The following LDB2 variants were observed in gnomAD, a reference collection of about 807,000 sequenced individuals.
LDB2 encodes the protein LIM domain-binding protein 2.
A neutral mutation model predicts 44.3 loss-of-function variants in LDB2; 12 were observed. The ratio of observed to expected loss-of-function variants is 0.27; its 90% CI spans 0.17 to 0.44. LDB2 has a LOEUF of 0.44. Among genes scored for constraint, LDB2 ranks in the 20% least tolerant of loss-of-function variants. The pLI is 1.00. For synonymous variants in LDB2, 164 were observed against 174.8 expected (o/e 0.94, Z 0.49); for missense variants, 344 against 473.5 (o/e 0.73, Z 2.54).
intron 2 of LDB2, among the ~76,000 whole-genome samples, chr4:16,694,181 C>T (rs1277895070): frequency 4.6e-5 from 7 of 152,182 alleles, no homozygotes; most frequent in African/African-American, 7.2e-5. Context: ...GGATTTGGTC[C>T]GCACATTCGG....
rs1249908525 is a variant in LDB2 at position 16,898,533 on chromosome 4, C to G, written c.-48G>C. On this transcript the variant is annotated 5_prime_UTR_variant, in exon 1 of 8. The change abolishes an upstream ATG in the 5' untranslated region. Coordinates refer to ENST00000304523, the MANE Select transcript of LDB2 (RefSeq NM_001290.5). ...AGCTAAACAGAGTATCAGTAACGTC[C>G]ATGCAGAGCACATGGGCTGTGTTCT... is the stretch of plus-strand genomic sequence containing the variant. The G allele has an allele frequency of 6.2e-7, 1 of 1,604,188 alleles. No homozygotes were observed. The highest frequency in any genetic ancestry group is 1.7e-5 in the Admixed American group (1 of 59,606).
intron 5 of LDB2, among the ~76,000 whole-genome samples, chr4:16,542,750 G>C (rs80314709): frequency 6.6e-6 from 1 of 151,254 alleles, no homozygotes; most frequent in African/African-American, 2.4e-5. Flanking sequence ...ATTTACAAAT[G>C]GTTTTTTTAC....
chr4:16,819,528 G>A, intron 1 of LDB2, among the ~76,000 whole-genome samples: 1 of 141,558 alleles, frequency 7.1e-6, no homozygotes, highest in Non-Finnish European at 1.5e-5. Context: ...CATGTATTTT[G>A]TATTCATTTC....
intron 2 of LDB2, among the ~76,000 whole-genome samples, chr4:16,641,619 T>A (rs1438535786): frequency 6.6e-6 from 1 of 152,044 alleles, no homozygotes; most frequent in Admixed American, 6.6e-5. Flanking sequence ...AGATCTCCTG[T>A]GAACTCAGAG....
chr4:16,527,138 TAGAC>T (rs1413470126), intron 5 of LDB2, among the ~76,000 whole-genome samples: 5 of 152,288 alleles, frequency 3.3e-5, no homozygotes, highest in African/African-American at 9.6e-5. Flanking sequence ...CAGAGAAAGT[TAGAC>T]AGCGAGATAT....
intron 1 of LDB2, among the ~76,000 whole-genome samples, chr4:16,764,976 C>T (rs1768874056): frequency 6.6e-6 from 1 of 152,328 alleles, no homozygotes; most frequent in Non-Finnish European, 1.5e-5. Flanking sequence ...ACACGTTAAA[C>T]TAACTTGGAG....
chr4:16,598,127 G>A (rs893403876), intron 2 of LDB2, among the ~76,000 whole-genome samples: 4 of 152,120 alleles, frequency 2.6e-5, no homozygotes, highest in East Asian at 1.9e-4. Context: ...TGGTATTCAC[G>A]CCCTTGTGTA....
intron 1 of LDB2, among the ~76,000 whole-genome samples, chr4:16,763,537 A>G (rs1768468597): frequency 6.6e-6 from 1 of 152,122 alleles, no homozygotes; most frequent in African/African-American, 2.4e-5. Flanking sequence ...AAGGAATAAA[A>G]GTAATAGAGA....
intron 1 of LDB2, among the ~76,000 whole-genome samples, chr4:16,860,368 T>C (rs1035890575): frequency 1.8e-4 from 27 of 151,572 alleles, no homozygotes; most frequent in African/African-American, 6.1e-4. Context: ...CACACACACA[T>C]ACACACACAC....
Position 16,734,703 on chromosome 4 carries a change from CTTTTTTTTTTT to C in LDB2, c.235+24444_235+24454del, listed in dbSNP as rs539507998. ...CTGCTGCTTCCCAACTTCTTGTTTT[CTTTTTTTTTTT>C]TTTTTTTTTTTGAGATGGAGTTTTG... On this transcript the variant is annotated intron_variant, in intron 2 of 7. Coordinates refer to ENST00000304523, the MANE Select transcript of LDB2 (RefSeq NM_001290.5). Among the ~76,000 whole-genome samples the C allele has an allele frequency of 2.7e-3, 350 of 129,368 alleles. 1 individual carries two copies. The highest frequency in any genetic ancestry group is 8.3e-3 in the Admixed American group (106 of 12,776). 84.9% of individuals were successfully genotyped at this position (129,368 alleles called of 152,430 possible).
At chr4:16,793,514 AG>A (rs1339720542) in intron 1 of LDB2, among the ~76,000 whole-genome samples, 1 of 152,196 alleles carries the variant, frequency 6.6e-6, no homozygotes, top group Non-Finnish European at 1.5e-5. Context: ...TTAATCGTGC[AG>A]GTCTTTACCC....
chr4:16,557,347 C>A (rs1253022496), intron 5 of LDB2, among the ~76,000 whole-genome samples: 6 of 152,204 alleles, frequency 3.9e-5, no homozygotes, highest in African/African-American at 1.4e-4. Flanking sequence ...AAAATCGGGT[C>A]ACTCCCACCC....
At chr4:16,627,865 G>A (rs79890744) in intron 2 of LDB2, among the ~76,000 whole-genome samples, 3,944 of 152,316 alleles carry the variant, frequency 0.026, 60 homozygotes, top group East Asian at 0.06. Context: ...ATTCCACTGA[G>A]GGGTGGGATA....
intron 2 of LDB2, among the ~76,000 whole-genome samples, chr4:16,663,714 T>A (rs1484509237): frequency 6.6e-6 from 1 of 152,222 alleles, no homozygotes; most frequent in Admixed American, 6.5e-5. Context: ...ATCTAAGATC[T>A]TTTAGAATGA....
At chr4:16,747,435 A>G (rs190204958) in intron 2 of LDB2, among the ~76,000 whole-genome samples, 39 of 152,358 alleles carry the variant, frequency 2.6e-4, no homozygotes, top group Middle Eastern at 3.4e-3. Flanking sequence ...TTATGGTCCT[A>G]TTGAAGGAAA....
At chr4:16,726,289 T>A (rs1459949664) in intron 2 of LDB2, 1 of 152,184 alleles carries the variant, frequency 6.6e-6, no homozygotes, top group African/African-American at 2.4e-5. Flanking sequence ...ACCTGCTGTG[T>A]GGCATAAGAC....
intron 5 of LDB2, among the ~76,000 whole-genome samples, chr4:16,561,333 G>C (rs1345634409): frequency 7.2e-5 from 11 of 152,114 alleles, no homozygotes; most frequent in Non-Finnish European, 1.2e-4. Flanking sequence ...CGTCTCAGCT[G>C]AAAATCTCCT....
At chr4:16,871,722 C>T (rs1716667493) in intron 1 of LDB2, among the ~76,000 whole-genome samples, 1 of 151,268 alleles carries the variant, frequency 6.6e-6, no homozygotes, top group Non-Finnish European at 1.5e-5. Context: ...CAGGTTCAAG[C>T]AATTTCCCCT....
chr4:16,894,278 A>G (rs1561563316), intron 1 of LDB2, among the ~76,000 whole-genome samples: 4 of 152,196 alleles, frequency 2.6e-5, no homozygotes, highest in Admixed American at 1.3e-4. Context: ...TTTTGACAGC[A>G]TACACAACAG....
Sources: allele counts gnomAD v4.1 joint callset (sites outside exome capture counted in the v4.1 genomes callset), GRCh38; gene constraint gnomAD v4.1.1; transcripts MANE v1.5; gene names NCBI Gene and HGNC (gene_info 2026-07-23, HGNC 2026-07-21).